The following APEX2 variants were observed in gnomAD, a reference collection of about 807,000 sequenced individuals.
APEX2 encodes DNA-(apurinic or apyrimidinic site) endonuclease 2.
Under a neutral mutation model 16.7 loss-of-function variants are expected in APEX2, and 4 were observed. That is an observed-to-expected ratio of 0.24 (90% CI 0.12 to 0.55). The LOEUF (loss-of-function observed/expected upper bound fraction) is 0.55, where lower values mean the gene tolerates loss of function less well. APEX2 is among the 20% of genes least tolerant of loss of function. The pLI, the probability that APEX2 is intolerant of heterozygous loss-of-function variation, is 0.94. For missense variants in APEX2, 357 were observed against 433.6 expected (o/e 0.82, Z 1.57); for synonymous variants, 181 against 166.9 (o/e 1.08, Z -0.65).
intron 1 of APEX2, among the ~76,000 whole-genome samples, chrX:55,001,253 C>T (rs748534254): frequency 2.1e-4 from 23 of 109,931 alleles, no homozygotes; most frequent in African/African-American, 6.6e-4. Context: ...TTCCTCCTAT[C>T]GTTCAGACCC....
Position 55,006,680 on chromosome X carries a change from C to T in APEX2, c.802C>T (p.Arg268Cys), listed in dbSNP as rs1490536467. 8.6e-6 allele frequency: 10 copies of T among 1,166,602 alleles called. No homozygotes were observed. The highest frequency in any genetic ancestry group is 3.0e-5 in the East Asian group (1 of 33,157). Residue 268 changes from arginine to cysteine, a missense_variant, in exon 6 of 6, where the codon CGC becomes TGC. Transcript: ENST00000374987. ...FTCWSAVTGARHLNYGSRLDY... is the reference protein window; with the variant it reads ...FTCWSAVTGACHLNYGSRLDY... ...CTGCTGGTCAGCAGTCACTGGCGCC[C>T]GCCATCTCAACTATGGCTCCCGGCT...
Position 55,001,586 on chromosome X carries a change from T to C in APEX2, c.198T>C (p.Tyr66=). ...AGCCCCTGGCTATCGTTGAGGGTTA[T>C]AACTCCTATTTCAGCTTCAGCCGCA... ...LTEPLAIVEG[Y]NSYFSFSRNR... The change falls in exon 2 of 6, where the codon TAT becomes TAC. Residue 66 remains tyrosine, a synonymous_variant. Transcript: ENST00000374987. The C allele has an allele frequency of 1.7e-6, 2 of 1,208,400 alleles. No homozygotes were observed. Among genetic ancestry groups the C allele is most frequent in the South Asian group, 1.8e-5 (1 of 56,052 alleles).
intron 5 of APEX2, among the ~76,000 whole-genome samples, chrX:55,005,828 C>T (rs1935491867): frequency 1.8e-5 from 2 of 110,921 alleles, no homozygotes; most frequent in South Asian, 3.9e-4. Context: ...TCAGCCCCCA[C>T]ACCTCAGCTC....
In APEX2 at chrX:55,007,758, G is replaced by A. The variant is rs1388961270; in HGVS notation, c.*323G>A. 5 of 226,102 alleles carry A rather than the reference G, an allele frequency of 2.2e-5. No homozygotes were observed. The highest frequency in any genetic ancestry group is 4.0e-5 in the Non-Finnish European group (5 of 125,828). 18.6% of individuals were successfully genotyped at this position (226,102 alleles called of 1,213,427 possible). On this transcript the variant is annotated 3_prime_UTR_variant, in exon 6 of 6. Transcript: ENST00000374987. ...GTGTATTTGTGCATAAATAAAGTCT[G>A]TGTATTTGTTTCAGGGTTGCACTTT...
chrX:55,002,815 G>A lies in APEX2; in HGVS notation c.423-147G>A, dbSNP rs899420251. On this transcript the variant is annotated intron_variant, in intron 3 of 5. Transcript: ENST00000374987. ...TGCCTTATCAGTAGTCAGTCCCCAA[G>A]TCCTGTGCATGCCAGATCATTTGTG... The A allele has an allele frequency of 1.3e-5, 8 of 628,021 alleles. No individual in the cohort carries two copies. In the African/African-American group the frequency reaches 1.4e-4, roughly 11 times the overall value. The allele number at this position is 628,021 out of a possible 1,213,427, so 51.8% of individuals were successfully genotyped here. A position where few individuals can be genotyped will look rare whatever the true frequency, so the allele number is the denominator to read the frequency against.
chrX:55,007,459 T>C lies in APEX2; in HGVS notation c.*24T>C. On this transcript the variant is annotated 3_prime_UTR_variant, in exon 6 of 6. Transcript: ENST00000374987. ...GAACCAATGGAGGCCTGGGGACATC[T>C]GGCATGGTCACCCCTGCACATGATC... is the stretch of plus-strand genomic sequence containing the variant. The C allele has an allele frequency of 9.8e-6, 11 of 1,126,196 alleles. No individual in the cohort carries two copies. Among genetic ancestry groups the C allele is most frequent in the Non-Finnish European group, 1.3e-5 (11 of 851,656 alleles). The allele number at this position is 1,126,196 out of a possible 1,213,427, so 92.8% of individuals were successfully genotyped here. A position where few individuals can be genotyped will look rare whatever the true frequency, so the allele number is the denominator to read the frequency against.
Position 55,006,953 on chromosome X carries a change from C to T in APEX2, c.1075C>T (p.His359Tyr). Reference protein sequence around the residue: ...SPVLEQSTLQHNNQTRVQTCQ... With the variant: ...SPVLEQSTLQYNNQTRVQTCQ... ...TGTGTTGGAGCAGTCGACGCTGCAGCACAACAATCAAACCCGGGTACAGAC... is the reference window on the plus strand; with the variant it reads ...TGTGTTGGAGCAGTCGACGCTGCAGTACAACAATCAAACCCGGGTACAGAC... Residue 359 changes from histidine to tyrosine, a missense_variant, in exon 6 of 6, where the codon CAC (histidine) becomes TAC (tyrosine). Coordinates refer to ENST00000374987, the MANE Select transcript of APEX2 (RefSeq NM_014481.4). The T allele has an allele frequency of 1.7e-6, 2 of 1,211,958 alleles. No homozygotes were observed. Among genetic ancestry groups the T allele is most frequent in the Non-Finnish European group, 2.2e-6 (2 of 895,577 alleles).
chrX:55,003,915 T>C (rs978243944), intron 5 of APEX2, 47 bp downstream of exon 5: 1 of 1,162,091 alleles, frequency 8.6e-7, no homozygotes, highest in African/African-American at 1.8e-5. Flanking sequence ...CTGATTCTGT[T>C]TGTCCAGCCA....
Position 55,000,381 on chromosome X carries a change from G to T in APEX2, c.-42G>T, listed in dbSNP as rs780638793. On this transcript the variant is annotated 5_prime_UTR_variant, in exon 1 of 6. Coordinates refer to ENST00000374987, the MANE Select transcript of APEX2 (RefSeq NM_014481.4). Reference sequence around the variant, plus strand: ...TCTGAACAGGAAGCAGTTCGCTCGCGCCTAGGTTGGCGCGGGCTGGGAGGT... The same window carrying T: ...TCTGAACAGGAAGCAGTTCGCTCGCTCCTAGGTTGGCGCGGGCTGGGAGGT... The T allele has an allele frequency of 9.0e-7, 1 of 1,116,165 alleles. No homozygotes were observed. The highest frequency in any genetic ancestry group is 1.2e-6 in the Non-Finnish European group (1 of 848,058). The allele number at this position is 1,116,165 out of a possible 1,213,427, so 92.0% of individuals were successfully genotyped here. A position where few individuals can be genotyped will look rare whatever the true frequency, so the allele number is the denominator to read the frequency against.
rs202158104 is a variant in APEX2, at chrX:55,002,300, A to C, written c.291A>C (p.Glu97Asp). 1 of 1,208,197 alleles carries C rather than the reference A, an allele frequency of 8.3e-7. No homozygotes were observed. The highest frequency in any genetic ancestry group is 3.0e-5 in the East Asian group (1 of 33,717). Residue 97 changes from glutamate (E) to aspartate (D), a missense_variant, in exon 3 of 6, where the codon GAA (glutamate) becomes GAC (aspartate). By Grantham distance (45) the Glu-to-Asp change is conservative. Transcript: ENST00000374987. ...KDNATPVAAEEGLSGLFATQN... is the reference protein window; with the variant it reads ...KDNATPVAAEDGLSGLFATQN... ...ATGCTACCCCAGTGGCTGCTGAAGA[A>C]GGCCTGAGTGGCCTGTTTGCCACCC...
Position 55,002,442 on chromosome X carries a change from A to G in APEX2, c.422+11A>G, listed in dbSNP as rs191806739. 37 of 1,168,919 alleles carry G rather than the reference A, an allele frequency of 3.2e-5. No homozygotes were observed. The East Asian group carries it at 9.9e-4, about 31-fold the overall frequency. ...ACAGCATAAGATCCGGTAATAGCTC[A>G]TATCTCCCTGCTACTGAGCACTGCT... On this transcript the variant is annotated intron_variant, in intron 3 of 5. Coordinates refer to ENST00000374987, the MANE Select transcript of APEX2 (RefSeq NM_014481.4).
chrX:55,001,191 C>A (rs1218196383), intron 1 of APEX2, among the ~76,000 whole-genome samples: 1 of 108,794 alleles, frequency 9.2e-6, no homozygotes, highest in African/African-American at 3.4e-5. Flanking sequence ...TTACCTCTCA[C>A]CCTTAGCTCA....
At chrX:55,001,694 A>G (rs1490349277) in intron 2 of APEX2, 65 bp downstream of exon 2, 2 of 892,340 alleles carry the variant, frequency 2.2e-6, no homozygotes, top group South Asian at 2.3e-5. Flanking sequence ...AGGGTTTCCA[A>G]TATTTGATGA....
rs187405180 is a variant in APEX2, at chrX:55,002,915, G to A, written c.423-47G>A. The A allele has an allele frequency of 2.8e-5, 33 of 1,180,886 alleles. No homozygotes were observed. The African/African-American group carries it at 4.9e-4, about 18-fold the overall frequency. On this transcript the variant is annotated intron_variant, in intron 3 of 5. Coordinates refer to ENST00000374987, the MANE Select transcript of APEX2 (RefSeq NM_014481.4). ...CATGTGGTATGGGGAAGGGACAGAA[G>A]GGGAGGTTTGAAACTGACCCCTTTT... is the stretch of plus-strand genomic sequence containing the variant.
At position 55,007,657 on chromosome X, in the gene APEX2, TC is replaced by T. The variant is rs771030215; in HGVS notation, c.*224del. The T allele has an allele frequency of 3.5e-5, 12 of 344,522 alleles. No individual in the cohort carries two copies. The highest frequency in any genetic ancestry group is 5.9e-5 in the Non-Finnish European group (12 of 203,684). The allele number at this position is 344,522 out of a possible 1,213,427, so 28.4% of individuals were successfully genotyped here. ...CAGCCCCTTACACCACTTTCCACCTTCCTGTCCGAAGTACACGGACACTAGC... is the reference window on the plus strand; with the variant it reads ...CAGCCCCTTACACCACTTTCCACCTTCTGTCCGAAGTACACGGACACTAGC... On this transcript the variant is annotated 3_prime_UTR_variant, in exon 6 of 6. Transcript: ENST00000374987.
In APEX2 at chrX:55,001,558, C is replaced by T. The variant is rs749481226; in HGVS notation, c.170C>T (p.Thr57Ile). 1 of 1,204,144 alleles carries T rather than the reference C, an allele frequency of 8.3e-7. No homozygotes were observed. Among genetic ancestry groups the T allele is most frequent in the African/African-American group, 1.7e-5 (1 of 57,508 alleles). ...QETKVTRDAL[T>I]EPLAIVEGYN... is the part of the protein sequence containing the mutation. ...TTTTTTTTTCCAGGGGATGCACTGA[C>T]AGAGCCCCTGGCTATCGTTGAGGGT... Residue 57 changes from threonine to isoleucine, a missense_variant, in exon 2 of 6, where the codon ACA (threonine) becomes ATA (isoleucine). Thr to Ile is a moderately conservative substitution (Grantham distance 89). Transcript: ENST00000374987.
At chrX:55,004,237 G>A (rs1935478419) in intron 5 of APEX2, among the ~76,000 whole-genome samples, 1 of 112,725 alleles carries the variant, frequency 8.9e-6, no homozygotes, top group Non-Finnish European at 1.9e-5. Flanking sequence ...ATTCCTAGGT[G>A]AGCTCGGACA....
At chrX:55,006,314 A>G (rs960257841) in intron 5 of APEX2, among the ~76,000 whole-genome samples, 1 of 111,480 alleles carries the variant, frequency 9.0e-6, no homozygotes, top group Non-Finnish European at 1.9e-5. Flanking sequence ...AGAGGGAAAA[A>G]CAAGCATGGT....
intron 5 of APEX2, 71 bp from the exon 6 acceptor site, chrX:55,006,447 C>CT: frequency 1.1e-6 from 1 of 937,951 alleles, no homozygotes; most frequent in Non-Finnish European, 1.4e-6. Context: ...AGCAGTTAGT[C>CT]TAAGTCCCTT....
Sources: allele counts gnomAD v4.1 joint callset (sites outside exome capture counted in the v4.1 genomes callset), GRCh38; gene constraint gnomAD v4.1.1; transcripts MANE v1.5; gene names NCBI Gene and HGNC (gene_info 2026-07-23, HGNC 2026-07-21).